Variants in SUCLG2 observed in about 807,000 individuals in gnomAD.
SUCLG2 encodes succinate-CoA ligase GDP-forming subunit beta, also known as succinate--CoA ligase [GDP-forming] subunit beta, mitochondrial.
In SUCLG2, 42 loss-of-function variants were observed where a neutral mutation model predicts 47.9. The observed-to-expected ratio is 0.88, with a 90% CI of 0.69 to 1.14. The LOEUF (loss-of-function observed/expected upper bound fraction) is 1.14, where lower values mean the gene tolerates loss of function less well. Among genes scored for constraint, SUCLG2 ranks in the 50% most tolerant of loss-of-function variants. The pLI is 0.00. For missense variants in SUCLG2, 571 were observed against 525.9 expected (o/e 1.09, Z -0.84); for synonymous variants, 195 against 197.3 (o/e 0.99, Z 0.10).
chr3:67,361,634 C>T (rs1213023180), intron 10 of SUCLG2, among the ~76,000 whole-genome samples: 2 of 152,196 alleles, frequency 1.3e-5, no homozygotes, highest in East Asian at 1.9e-4. Context: ...TGGCCTGGCC[C>T]CTGCCCACTT....
intron 9 of SUCLG2, chr3:67,408,941 C>T (rs780678241): frequency 4.6e-6 from 7 of 1,532,574 alleles, no homozygotes; most frequent in Non-Finnish European, 8.7e-7. Flanking sequence ...TCAGGAGTTC[C>T]AGCTCCATAT....
At position 67,644,106 on chromosome 3, in the gene SUCLG2, T is replaced by C. The variant is rs139657296; in HGVS notation, c.84+10397A>G. 9.6e-4 allele frequency among the ~76,000 whole-genome samples: 146 copies of C among 152,276 alleles called. 1 individual carries two copies. Among genetic ancestry groups the C allele is most frequent in the Middle Eastern group, 3.4e-3 (1 of 294 alleles). On this transcript the variant is annotated intron_variant, in intron 1 of 10. Coordinates refer to ENST00000307227, the MANE Select transcript of SUCLG2 (RefSeq NM_003848.4). ...TTAGTTGGACATGGGAAACTGAAAATGTAGCCCAAGCTACATATGATACAA... is the reference window on the plus strand; with the variant it reads ...TTAGTTGGACATGGGAAACTGAAAACGTAGCCCAAGCTACATATGATACAA...
chr3:67,535,052 T>A (rs1345054110), intron 2 of SUCLG2, among the ~76,000 whole-genome samples: 2 of 152,132 alleles, frequency 1.3e-5, no homozygotes, highest in Non-Finnish European at 2.9e-5. Context: ...ACTTGTAATT[T>A]CAAGAGGTGC....
intron 1 of SUCLG2, 39 bp from the exon 2 acceptor site, chr3:67,609,635 A>T: frequency 6.3e-7 from 1 of 1,592,522 alleles, no homozygotes; most frequent in Non-Finnish European, 8.6e-7. Flanking sequence ...ACATTCATTA[A>T]TAGCAAGAAA....
At chr3:67,406,730 G>A (rs927041478) in intron 9 of SUCLG2, among the ~76,000 whole-genome samples, 8 of 152,116 alleles carry the variant, frequency 5.3e-5, no homozygotes, top group African/African-American at 1.2e-4. Flanking sequence ...CAGAGCAAAC[G>A]CCATGACAAA....
chr3:67,580,276 G>T (rs1374654207), intron 2 of SUCLG2, among the ~76,000 whole-genome samples: 1 of 151,938 alleles, frequency 6.6e-6, no homozygotes, highest in East Asian at 1.9e-4. Context: ...TCATAACACA[G>T]ACAGATACAG....
chr3:67,464,379 C>A (rs1168386651), intron 9 of SUCLG2, among the ~76,000 whole-genome samples: 4 of 152,206 alleles, frequency 2.6e-5, no homozygotes, highest in African/African-American at 9.7e-5. Context: ...GGGAATAGCG[C>A]TTTTTGATCT....
chr3:67,550,649 A>G (rs891659105), intron 2 of SUCLG2, among the ~76,000 whole-genome samples: 2 of 152,176 alleles, frequency 1.3e-5, no homozygotes, highest in African/African-American at 4.8e-5. Context: ...CTTTCTGTGT[A>G]CATCTGTCTT....
chr3:67,504,828 G>C (rs1705594370), intron 7 of SUCLG2, among the ~76,000 whole-genome samples: 1 of 152,112 alleles, frequency 6.6e-6, no homozygotes, highest in Non-Finnish European at 1.5e-5. Flanking sequence ...CTAGCAAAAT[G>C]AATGAATGAA....
chr3:67,576,466 G>A (rs1707744970), intron 2 of SUCLG2, among the ~76,000 whole-genome samples: 1 of 152,108 alleles, frequency 6.6e-6, no homozygotes, highest in African/African-American at 2.4e-5. Context: ...GTTTTCAGAA[G>A]TATTTCCCAT....
chr3:67,584,634 T>C (rs1707964497), intron 2 of SUCLG2, among the ~76,000 whole-genome samples: 1 of 152,206 alleles, frequency 6.6e-6, no homozygotes, highest in Non-Finnish European at 1.5e-5. Flanking sequence ...AATTGAATAC[T>C]CTCTGGTAAC....
intron 9 of SUCLG2, among the ~76,000 whole-genome samples, chr3:67,481,027 T>C (rs1559542139): frequency 2.9e-5 from 1 of 34,934 alleles, no homozygotes; most frequent in African/African-American, 6.0e-5. Context: ...ATGACACTGT[T>C]TTTTTTACAA....
chr3:67,589,741 T>C (rs1276243194), intron 2 of SUCLG2, among the ~76,000 whole-genome samples: 1 of 152,184 alleles, frequency 6.6e-6, no homozygotes, highest in Non-Finnish European at 1.5e-5. Context: ...TGGATGGACC[T>C]GAACACACAT....
intron 9 of SUCLG2, among the ~76,000 whole-genome samples, chr3:67,455,141 GT>G (rs1304831065): frequency 2.0e-5 from 3 of 152,000 alleles, no homozygotes; most frequent in Non-Finnish European, 4.4e-5. Flanking sequence ...CATATTCAGT[GT>G]TTTAGATTTA....
At chr3:67,483,834 G>C (rs567722082) in intron 9 of SUCLG2, among the ~76,000 whole-genome samples, 1 of 152,118 alleles carries the variant, frequency 6.6e-6, no homozygotes, top group Admixed American at 6.5e-5. Context: ...AGTCATTCTT[G>C]CTGTGGAATG....
At chr3:67,554,343 T>C (rs1707099708) in intron 2 of SUCLG2, among the ~76,000 whole-genome samples, 1 of 152,222 alleles carries the variant, frequency 6.6e-6, no homozygotes, top group Non-Finnish European at 1.5e-5. Context: ...GTTGTTGTTG[T>C]TAGGAATTTC....
chr3:67,438,163 A>G (rs564162225), intron 9 of SUCLG2, among the ~76,000 whole-genome samples: 3 of 152,344 alleles, frequency 2.0e-5, no homozygotes, highest in East Asian at 1.9e-4. Context: ...GCAGAAATAA[A>G]TAAGTTCTTT....
rs568620811 is a variant in SUCLG2 at position 67,649,500 on chromosome 3, G to C, written c.84+5003C>G. ...TCTGGGCTTTCTGAAGCCCCATTTA[G>C]ACTTCTTTGTATACCCAAAAGTGCC... On this transcript the variant is annotated intron_variant, in intron 1 of 10. Coordinates refer to ENST00000307227, the MANE Select transcript of SUCLG2 (RefSeq NM_003848.4). Among the ~76,000 whole-genome samples, 5 of 152,188 alleles carry C rather than the reference G, an allele frequency of 3.3e-5. No homozygotes were observed. The South Asian group carries it at 8.3e-4, about 25-fold the overall frequency.
chr3:67,629,418 A>G (rs1009239203), intron 1 of SUCLG2, among the ~76,000 whole-genome samples: 1 of 152,208 alleles, frequency 6.6e-6, no homozygotes, highest in Non-Finnish European at 1.5e-5. Context: ...ACTCTAGAGA[A>G]TATTTATGAT....
Sources: gnomAD v4.1 joint callset for allele counts (sites outside exome capture counted in the v4.1 genomes callset) on GRCh38, gnomAD v4.1.1 for gene constraint, MANE v1.5 for transcripts, NCBI Gene and HGNC (gene_info 2026-07-23, HGNC 2026-07-21) for gene names.